TENM3: variants seen among roughly 807,000 people sequenced by gnomAD.
TENM3 encodes the protein teneurin transmembrane protein 3.
A neutral mutation model predicts 255.1 loss-of-function variants in TENM3; 63 were observed. The ratio of observed to expected loss-of-function variants is 0.25; its 90% CI spans 0.20 to 0.30. The LOEUF is 0.30. Ranked by LOEUF, TENM3 falls within the 10% of genes least tolerant of loss-of-function variation. The probability of loss-of-function intolerance (pLI) is 1.00; values close to 1 mark genes in which losing one functional copy is unlikely to be tolerated. For missense variants in TENM3, 2,929 were observed against 3,461.1 expected (o/e 0.85, Z 3.86); for synonymous variants, 1,306 against 1,322.3 (o/e 0.99, Z 0.27).
chr4:182,073,438 G>A, the TENM3 span, among the ~76,000 whole-genome samples: 5 of 152,240 alleles, frequency 3.3e-5, no homozygotes, highest in South Asian at 2.1e-4. Context: ...TGCAAGCTGG[G>A]GAAAGAGCCC....
the TENM3 span, among the ~76,000 whole-genome samples, chr4:181,856,153 A>G: frequency 7.1e-6 from 1 of 140,098 alleles, no homozygotes; most frequent in Non-Finnish European, 1.5e-5. Context: ...GGAAGGAAGG[A>G]AAGGGAAGGA....
rs1172852649 is a variant in TENM3 at position 182,729,146 on chromosome 4, C to T, written c.2550C>T (p.Thr850=). Residue 850 remains threonine, a synonymous_variant, in exon 14 of 28, where the codon ACC becomes ACT. Coordinates refer to ENST00000511685, the MANE Select transcript of TENM3 (RefSeq NM_001080477.4). ...GTTTCCTTATAGGATCTGATAGCAC[C>T]CATGTTATACCTGGAGAAAGTCCTT... ...RISFLIGSDS[T]HVIPGESPFN... is the part of the protein sequence containing the mutation. 3 of 1,613,952 alleles carry T rather than the reference C, an allele frequency of 1.9e-6. No individual in the cohort carries two copies. The highest frequency in any genetic ancestry group is 1.7e-6 in the Non-Finnish European group (2 of 1,179,884).
At chr4:181,497,153 T>A in the TENM3 span, among the ~76,000 whole-genome samples, 1 of 152,164 alleles carries the variant, frequency 6.6e-6, no homozygotes, top group Admixed American at 6.6e-5. Context: ...GATAGACATA[T>A]GCACATGTAT....
chr4:182,360,989 T>G (rs531367153), intron 3 of TENM3, among the ~76,000 whole-genome samples: 6 of 152,296 alleles, frequency 3.9e-5, no homozygotes, highest in African/African-American at 1.4e-4. Flanking sequence ...GAAGCTTAGT[T>G]TGGCTGGATA....
chr4:182,688,512 G>T (rs900134789), intron 12 of TENM3, among the ~76,000 whole-genome samples, 161 bp downstream of exon 12: 2 of 152,090 alleles, frequency 1.3e-5, no homozygotes, highest in Non-Finnish European at 2.9e-5. Context: ...TTTTATAATG[G>T]CAATTCAGTT....
chr4:182,213,751 A>G (rs1755212260), intron 1 of TENM3, among the ~76,000 whole-genome samples: 1 of 152,160 alleles, frequency 6.6e-6, no homozygotes, highest in African/African-American at 2.4e-5. Context: ...AAATTAGCCT[A>G]TATATTTTCG....
chr4:181,836,317 A>C, the TENM3 span, among the ~76,000 whole-genome samples: 1 of 152,156 alleles, frequency 6.6e-6, no homozygotes, highest in Non-Finnish European at 1.5e-5. Flanking sequence ...AATTATAGCC[A>C]TTTCTAATTT....
the TENM3 span, among the ~76,000 whole-genome samples, chr4:182,092,075 C>T: frequency 6.6e-6 from 1 of 152,134 alleles, no homozygotes; most frequent in African/African-American, 2.4e-5. Flanking sequence ...CACGGTGGGC[C>T]ACACCTGTAA....
At chr4:182,402,960 G>A (rs1769306922) in intron 3 of TENM3, among the ~76,000 whole-genome samples, 1 of 152,200 alleles carries the variant, frequency 6.6e-6, no homozygotes. Flanking sequence ...TGATGGAAAT[G>A]TATTTTTGTC....
the TENM3 span, among the ~76,000 whole-genome samples, chr4:181,829,715 A>T: frequency 6.6e-6 from 1 of 152,102 alleles, no homozygotes; most frequent in Non-Finnish European, 1.5e-5. Context: ...CAGTCCTCCC[A>T]TGTCCCAGTG....
intron 3 of TENM3, among the ~76,000 whole-genome samples, chr4:182,558,426 C>T (rs1296655768): frequency 6.6e-6 from 1 of 152,162 alleles, no homozygotes; most frequent in African/African-American, 2.4e-5. Flanking sequence ...ACTTGTATAT[C>T]TTCATGTTCC....
At chr4:181,489,343 C>A in the TENM3 span, among the ~76,000 whole-genome samples, 1 of 152,090 alleles carries the variant, frequency 6.6e-6, no homozygotes, top group Non-Finnish European at 1.5e-5. Context: ...AATAGAGAAA[C>A]CAGATTGGAC....
chr4:182,432,422 T>G (rs559545870), intron 3 of TENM3, among the ~76,000 whole-genome samples: 55 of 152,366 alleles, frequency 3.6e-4, no homozygotes, highest in African/African-American at 1.2e-3. Context: ...TTAAATGCTT[T>G]GCATGATATA....
At chr4:181,837,339 C>T in the TENM3 span, among the ~76,000 whole-genome samples, 1 of 152,150 alleles carries the variant, frequency 6.6e-6, no homozygotes, top group African/African-American at 2.4e-5. Context: ...TCATATTGTC[C>T]TTTTTCAAAA....
chr4:182,518,515 TA>T lies in TENM3; in HGVS notation c.512-82397del, dbSNP rs555178918. On this transcript the variant is annotated intron_variant, in intron 3 of 27. Coordinates refer to ENST00000511685, the MANE Select transcript of TENM3 (RefSeq NM_001080477.4). ...AGCAGCAGATGCTTTCCAGTTAGCC[TA>T]AAAAAAAAAAATAGCAAACTGCTGT... Among the ~76,000 whole-genome samples, 1,007 of 144,480 alleles carry T rather than the reference TA, an allele frequency of 7.0e-3. 9 individuals carry two copies. The highest frequency in any genetic ancestry group is 0.016 in the African/African-American group (619 of 39,622). 94.8% of individuals were successfully genotyped at this position (144,480 alleles called of 152,430 possible).
chr4:182,006,515 G>T, the TENM3 span, among the ~76,000 whole-genome samples: 1 of 152,108 alleles, frequency 6.6e-6, no homozygotes, highest in Non-Finnish European at 1.5e-5. Flanking sequence ...TCTTTGCCTA[G>T]AGGTGTTTTT....
At chr4:182,198,715 T>C (rs1311437347) in intron 1 of TENM3, among the ~76,000 whole-genome samples, 1 of 152,164 alleles carries the variant, frequency 6.6e-6, no homozygotes, top group African/African-American at 2.4e-5. Flanking sequence ...CGGACTGTTT[T>C]CAGCTCCTGG....
chr4:181,928,443 C>G, the TENM3 span, among the ~76,000 whole-genome samples: 2 of 151,302 alleles, frequency 1.3e-5, no homozygotes, highest in African/African-American at 2.4e-5. Context: ...AATTGAAGAT[C>G]AACTTGATGA....
chr4:182,667,907 CCTG>C (rs35046612), intron 6 of TENM3, among the ~76,000 whole-genome samples: 2,099 of 151,958 alleles, frequency 0.014, 53 homozygotes, highest in African/African-American at 0.047. Flanking sequence ...ATGTAACAAA[CCTG>C]CACGTTTTGC....
Sources: gnomAD v4.1 joint callset for allele counts (sites outside exome capture counted in the v4.1 genomes callset) on GRCh38, gnomAD v4.1.1 for gene constraint, MANE v1.5 for transcripts, NCBI Gene and HGNC (gene_info 2026-07-23, HGNC 2026-07-21) for gene names.